C2orf42: variants seen among roughly 807,000 people sequenced by gnomAD.
The protein encoded by C2orf42 is uncharacterized protein C2orf42.
C2orf42 carries 44 observed loss-of-function variants against 58.9 expected under a neutral mutation model. That is an observed-to-expected ratio of 0.75 (90% CI 0.59 to 0.96). C2orf42 has a LOEUF of 0.96. C2orf42 is among the 40% of genes least tolerant of loss of function. The pLI is 0.00. For synonymous variants in C2orf42, 239 were observed against 265.4 expected, an observed-to-expected ratio of 0.90 and a Z score of 0.97; for missense variants, 630 against 699.2, an observed-to-expected ratio of 0.90 and a Z score of 1.12.
chr2:70,181,300 A>C lies in C2orf42; in HGVS notation c.686T>G (p.Leu229Arg), dbSNP rs1281121988. The C allele has an allele frequency of 6.2e-7, 1 of 1,613,846 alleles. No homozygotes were observed. Among genetic ancestry groups the C allele is most frequent in the Non-Finnish European group, 8.5e-7 (1 of 1,179,872 alleles). ...GGAGGCATTTGACTTGTGCGATTTCAGAGTCTGACAGGAGCAGAAGAAGCG... is the reference window on the plus strand; with the variant it reads ...GGAGGCATTTGACTTGTGCGATTTCCGAGTCTGACAGGAGCAGAAGAAGCG... ...ERRFFCSCQT[L>R]KSHKSNASKD... The change falls in exon 3 of 10, where the codon CTG becomes CGG. Residue 229 changes from leucine (L) to arginine (R), a missense_variant. Coordinates refer to ENST00000264434, the MANE Select transcript of C2orf42 (RefSeq NM_017880.3).
chr2:70,171,277 G>A (rs545724880), intron 5 of C2orf42, among the ~76,000 whole-genome samples: 1 of 152,146 alleles, frequency 6.6e-6, no homozygotes, highest in East Asian at 1.9e-4. Context: ...CCCATCTCAA[G>A]TAAAAATAAA....
rs1396474159 is a variant in C2orf42, at chr2:70,169,474, T to G, written c.1144+83A>C. Reference sequence around the variant, plus strand: ...TCTCTGGACTGAAGTCCAATTACTTTTCCTATCAGAGGAGAATTACAGCAC... The same window carrying G: ...TCTCTGGACTGAAGTCCAATTACTTGTCCTATCAGAGGAGAATTACAGCAC... On this transcript the variant is annotated intron_variant, in intron 6 of 9. Transcript: ENST00000264434. 6 of 663,660 alleles carry G rather than the reference T, an allele frequency of 9.0e-6. No homozygotes were observed. The African/African-American group carries it at 1.1e-4, about 12-fold the overall frequency. The allele number at this position is 663,660 out of a possible 1,614,324, so 41.1% of individuals were successfully genotyped here.
intron 6 of C2orf42, among the ~76,000 whole-genome samples, chr2:70,167,829 G>C (rs1437667388): frequency 6.6e-6 from 1 of 152,170 alleles, no homozygotes; most frequent in Non-Finnish European, 1.5e-5. Flanking sequence ...AAAGGTGGTA[G>C]TAATGGAGAT....
At position 70,150,302 on chromosome 2, in the gene C2orf42, C is replaced by T. The variant is rs1672224140; in HGVS notation, c.*54G>A. On this transcript the variant is annotated 3_prime_UTR_variant, in exon 10 of 10. Coordinates refer to ENST00000264434, the MANE Select transcript of C2orf42 (RefSeq NM_017880.3). ...GTGCCTAACTAGCATTTAAAGTTGT[C>T]AAGGGGTGGGGATGTGCAAATTAAG... is the stretch of plus-strand genomic sequence containing the variant. 1 of 1,495,284 alleles carries T rather than the reference C, an allele frequency of 6.7e-7. No individual in the cohort carries two copies. Among genetic ancestry groups the T allele is most frequent in the Non-Finnish European group, 9.3e-7 (1 of 1,079,836 alleles). 92.6% of individuals were successfully genotyped at this position (1,495,284 alleles called of 1,614,324 possible). A position where few individuals can be genotyped will look rare whatever the true frequency, so the allele number is the denominator to read the frequency against.
At chr2:70,185,408 C>CA (rs35689231) in intron 1 of C2orf42, among the ~76,000 whole-genome samples, 1 of 150,060 alleles carries the variant, frequency 6.7e-6, no homozygotes, top group Non-Finnish European at 1.5e-5. Context: ...AATTCCGTGT[C>CA]AAAAAAAAAG....
intron 1 of C2orf42, among the ~76,000 whole-genome samples, chr2:70,187,210 G>C (rs1024952608): frequency 1.3e-4 from 20 of 152,200 alleles, no homozygotes; most frequent in Non-Finnish European, 2.2e-4. Context: ...AATAGCTGTA[G>C]CATCAACAAT....
In C2orf42 at chr2:70,153,786, G is replaced by A. The variant is rs1204071588; in HGVS notation, c.1517-3222C>T. ...CAAAAGAAAATTTAAACGGCCGGGC[G>A]CGGTGGCTCATGCCTGTAATCCCAG... is the stretch of plus-strand genomic sequence containing the variant. On this transcript the variant is annotated intron_variant, in intron 9 of 9. Transcript: ENST00000264434. Among the ~76,000 whole-genome samples the A allele has an allele frequency of 6.6e-5, 10 of 151,808 alleles. No homozygotes were observed. In the South Asian group the frequency reaches 1.0e-3, roughly 16 times the overall value.
At chr2:70,159,045 G>A (rs1054122262) in intron 9 of C2orf42, among the ~76,000 whole-genome samples, 1 of 146,770 alleles carries the variant, frequency 6.8e-6, no homozygotes, top group Admixed American at 6.9e-5. Flanking sequence ...CCGCCACCGC[G>A]CCCAGCTAAT....
chr2:70,174,326 AAAAATAAATACAAT>A (rs1324995900), intron 5 of C2orf42, among the ~76,000 whole-genome samples: 1 of 152,112 alleles, frequency 6.6e-6, no homozygotes, highest in Non-Finnish European at 1.5e-5. Context: ...ATAAATAAAT[AAAAATAAATACAAT>A]AAATTACTTT....
intron 1 of C2orf42, among the ~76,000 whole-genome samples, chr2:70,183,997 A>T (rs761499902): frequency 1.3e-5 from 2 of 151,792 alleles, no homozygotes; most frequent in Non-Finnish European, 2.9e-5. Context: ...TTTGGTAGAG[A>T]CAGGGGTCTC....
At chr2:70,150,612 G>C (rs1222210279) in intron 9 of C2orf42, 48 bp from the exon 10 acceptor site, 1 of 1,426,232 alleles carries the variant, frequency 7.0e-7, no homozygotes, top group Admixed American at 1.7e-5. Flanking sequence ...AACTCTAATG[G>C]GTGTTCCTAA....
intron 9 of C2orf42, among the ~76,000 whole-genome samples, chr2:70,155,622 A>C (rs2104834683): frequency 6.6e-6 from 1 of 151,780 alleles, no homozygotes; most frequent in South Asian, 2.1e-4. Context: ...AATATGGTGA[A>C]ACCCCATCTC....
intron 6 of C2orf42, among the ~76,000 whole-genome samples, chr2:70,168,717 T>TC (rs1171969289): frequency 1.6e-4 from 22 of 139,796 alleles, no homozygotes; most frequent in Non-Finnish European, 2.9e-4. Context: ...CATGTTTATG[T>TC]CCCTTTTTTT....
Position 70,181,175 on chromosome 2 carries a change from A to T in C2orf42, c.811T>A (p.Phe271Ile). The T allele has an allele frequency of 3.8e-6, 6 of 1,558,722 alleles. No homozygotes were observed. The highest frequency in any genetic ancestry group is 5.2e-6 in the Non-Finnish European group (6 of 1,148,876). Residue 271 changes from phenylalanine (F) to isoleucine (I), a missense_variant, in exon 3 of 10, where the codon TTT becomes ATT. By Grantham distance (21) the Phe-to-Ile change is conservative (BLOSUM62 0). Transcript: ENST00000264434. The part of the protein sequence containing the change: ...LAQEFSDFLN[F>I]DSSGLKEIIV... The stretch of plus-strand genomic sequence containing the variant: ...CCATACCACCTACCGCTGGAATCAA[A>T]ATTTAGGAAGTCTGAGAATTCCTGA...
intron 9 of C2orf42, among the ~76,000 whole-genome samples, chr2:70,154,745 TTTTTG>T (rs553263180): frequency 1.8e-4 from 27 of 151,976 alleles, no homozygotes; most frequent in South Asian, 1.0e-3. Flanking sequence ...GAATCAAAGT[TTTTTG>T]TTTTGTTTTG....
intron 5 of C2orf42, among the ~76,000 whole-genome samples, chr2:70,173,075 T>G (rs1452192502): frequency 2.0e-5 from 3 of 151,612 alleles, no homozygotes; most frequent in Admixed American, 2.0e-4. Context: ...AGGCACGAGA[T>G]GAACCTGGGA....
chr2:70,163,132 T>C (rs1199254988), intron 8 of C2orf42, among the ~76,000 whole-genome samples: 1 of 152,058 alleles, frequency 6.6e-6, no homozygotes, highest in Non-Finnish European at 1.5e-5. Flanking sequence ...CCTCCCAAAG[T>C]GCTGAGATTA....
rs1412109158 is a variant in C2orf42 at position 70,175,644 on chromosome 2, GTAGCCTATTC to G, written c.1039+19_1039+28del. 1.5e-6 allele frequency: 2 copies of G among 1,295,174 alleles called. No individual in the cohort carries two copies. The highest frequency in any genetic ancestry group is 2.9e-5 in the African/African-American group (2 of 68,614). 80.2% of individuals were successfully genotyped at this position (1,295,174 alleles called of 1,614,324 possible). Reference sequence around the variant, plus strand: ...TTCTTTAGGATGACTTTCCACCACTGTAGCCTATTCTAGGGAAGGGAAACTTACCCTGCCT... The same window carrying G: ...TTCTTTAGGATGACTTTCCACCACTGTAGGGAAGGGAAACTTACCCTGCCT... On this transcript the variant is annotated intron_variant, in intron 5 of 9. Coordinates refer to ENST00000264434, the MANE Select transcript of C2orf42 (RefSeq NM_017880.3).
intron 1 of C2orf42, chr2:70,190,267 G>T (rs952460667): frequency 6.6e-6 from 1 of 151,830 alleles, no homozygotes; most frequent in African/African-American, 2.4e-5. Context: ...ACTGGTGTTG[G>T]AAGCGTTAAC....
Sources: gnomAD v4.1 joint callset for allele counts (sites outside exome capture counted in the v4.1 genomes callset) on GRCh38, gnomAD v4.1.1 for gene constraint, MANE v1.5 for transcripts, NCBI Gene and HGNC (gene_info 2026-07-23, HGNC 2026-07-21) for gene names.